PLAGL1: variants seen among roughly 807,000 people sequenced by gnomAD.
PLAGL1 encodes zinc finger protein PLAGL1.
Under a neutral mutation model 4.6 loss-of-function variants are expected in PLAGL1, and 1 was observed. The observed-to-expected ratio is 0.22, with a 90% CI of 0.08 to 1.03. The LOEUF (loss-of-function observed/expected upper bound fraction) is 1.03, where lower values mean the gene tolerates loss of function less well. Among genes scored for constraint, PLAGL1 ranks in the 50% least tolerant of loss-of-function variants. The pLI, the probability that PLAGL1 is intolerant of heterozygous loss-of-function variation, is 0.58. For synonymous variants in PLAGL1, 240 were observed against 237.8 expected (o/e 1.01, Z -0.08); for missense variants, 464 against 570.4 (o/e 0.81, Z 1.90).
chr6:144,034,538 A>G lies in PLAGL1; in HGVS notation c.-151+29930T>C, dbSNP rs1465072210. Reference sequence around the variant, plus strand: ...TCTCATTCAGGGGGTTCAATAAATCATCTGCCAGAAAGGAAGTGTGCAGCT... The same window carrying G: ...TCTCATTCAGGGGGTTCAATAAATCGTCTGCCAGAAAGGAAGTGTGCAGCT... On this transcript the variant is annotated intron_variant, in intron 1 of 3. Transcript: ENST00000437412. The surrounding 1 kb of genome is among the most constrained non-coding windows in gnomAD (Gnocchi z 4.7). Among the ~76,000 whole-genome samples the G allele has an allele frequency of 6.6e-6, 1 of 152,222 alleles. No individual in the cohort carries two copies. Among genetic ancestry groups the G allele is most frequent in the Non-Finnish European group, 1.5e-5 (1 of 68,034 alleles).
intron 1 of PLAGL1, among the ~76,000 whole-genome samples, chr6:144,038,452 A>C (rs1157897421): frequency 6.6e-6 from 1 of 152,232 alleles, no homozygotes; most frequent in Non-Finnish European, 1.5e-5. Context: ...TACAGTAATC[A>C]AGACAATGAG....
chr6:143,993,700 A>C (rs868762337), intron 1 of PLAGL1, among the ~76,000 whole-genome samples: 1 of 152,244 alleles, frequency 6.6e-6, no homozygotes, highest in African/African-American at 2.4e-5. Context: ...AAGCTTTCCA[A>C]TAGAAGCCAG....
rs902216383 is a variant in PLAGL1 at position 143,955,955 on chromosome 6, A to T, written c.-325+4514T>A. Reference sequence around the variant, plus strand: ...TTTTCTTCTGCATCCCAGAAGAAAAACTCAGCAAAAAATAAGCGTTAGGAG... The same window carrying T: ...TTTTCTTCTGCATCCCAGAAGAAAATCTCAGCAAAAAATAAGCGTTAGGAG... On this transcript the variant is annotated intron_variant, in intron 6 of 7. Transcript: ENST00000674357. The surrounding 1 kb of genome is among the most constrained non-coding windows in gnomAD (Gnocchi z 4.9). Among the ~76,000 whole-genome samples the T allele has an allele frequency of 6.6e-6, 1 of 152,150 alleles. No homozygotes were observed. Among genetic ancestry groups the T allele is most frequent in the Non-Finnish European group, 1.5e-5 (1 of 68,024 alleles).
In PLAGL1 at chr6:143,990,088, A is replaced by G. The variant is rs946069637; in HGVS notation, c.-583-4914T>C. On this transcript the variant is annotated intron_variant, in intron 1 of 7. Transcript: ENST00000674357. This position sits in a 1 kb window ranked among gnomAD's most constrained non-coding sequence, Gnocchi z 5.4. ...TCCCTTTTTACTAAAGATACTTGTC[A>G]TCGACACATACTATGCTCTGATATT... Among the ~76,000 whole-genome samples the G allele has an allele frequency of 1.6e-4, 24 of 152,128 alleles. No homozygotes were observed. Among genetic ancestry groups the G allele is most frequent in the African/African-American group, 5.1e-4 (21 of 41,516 alleles).
At chr6:144,035,336 A>G (rs1797141583) in intron 1 of PLAGL1, among the ~76,000 whole-genome samples, 1 of 152,224 alleles carries the variant, frequency 6.6e-6, no homozygotes, top group African/African-American at 2.4e-5. Flanking sequence ...CCGAGAGCCC[A>G]TGGAAAACCA....
Position 144,035,460 on chromosome 6 carries a change from T to A in PLAGL1, c.-151+29008A>T, listed in dbSNP as rs535267283. Among the ~76,000 whole-genome samples, 5 of 152,318 alleles carry A rather than the reference T, an allele frequency of 3.3e-5. No homozygotes were observed. The South Asian group carries it at 1.0e-3, about 32-fold the overall frequency. On this transcript the variant is annotated intron_variant, in intron 1 of 3. Transcript: ENST00000437412. The stretch of plus-strand genomic sequence containing the variant: ...GCCGGAAGACTCAGCAAATCTGCCC[T>A]CCCATCTTCTCCTGCCTGCTTTATT...
At chr6:144,026,964 C>T (rs913442346) in intron 1 of PLAGL1, among the ~76,000 whole-genome samples, 8 of 152,100 alleles carry the variant, frequency 5.3e-5, no homozygotes, top group Admixed American at 1.3e-4. Flanking sequence ...GTAATCACAG[C>T]ACTTTGGAAG....
At chr6:143,974,708 A>G (rs1786120079) in intron 2 of PLAGL1, among the ~76,000 whole-genome samples, 1 of 152,174 alleles carries the variant, frequency 6.6e-6, no homozygotes, top group Non-Finnish European at 1.5e-5. Context: ...CACGACAGAA[A>G]TATCTGTGAA....
chr6:143,969,369 G>A (rs1002678287), intron 2 of PLAGL1, among the ~76,000 whole-genome samples: 2 of 152,096 alleles, frequency 1.3e-5, no homozygotes, highest in African/African-American at 2.4e-5. Flanking sequence ...AGACCCTTTT[G>A]AGAATTAAAT....
Position 143,997,593 on chromosome 6 carries a change from G to A in PLAGL1, c.-584+10497C>T, listed in dbSNP as rs374779520. Among the ~76,000 whole-genome samples, 6 of 152,138 alleles carry A rather than the reference G, an allele frequency of 3.9e-5. 1 individual carries two copies. Among genetic ancestry groups the A allele is most frequent in the South Asian group, 4.1e-4 (2 of 4,828 alleles). On this transcript the variant is annotated intron_variant, in intron 1 of 7. Transcript: ENST00000674357. The surrounding 1 kb of genome is among the most constrained non-coding windows in gnomAD (Gnocchi z 4.6). ...ACAGGGAGGCTCAGGTGGGAGGATC[G>A]CTTGAGCCTGGGAGGTTGAGGCTGC...
intron 6 of PLAGL1, among the ~76,000 whole-genome samples, chr6:143,956,364 C>T (rs973924314): frequency 6.6e-6 from 1 of 152,146 alleles, no homozygotes; most frequent in African/African-American, 2.4e-5. Context: ...TCTCAGAGCT[C>T]CAAAGACAGA....
intron 1 of PLAGL1, among the ~76,000 whole-genome samples, chr6:143,991,212 C>T (rs557589939): frequency 1.2e-4 from 18 of 152,268 alleles, no homozygotes; most frequent in Non-Finnish European, 1.9e-4. Flanking sequence ...CATAATGGAA[C>T]TTTATGATGA....
rs1795580404 is a variant in PLAGL1, at chr6:144,016,546, C to T, written c.-150-47568G>A. ...TATGTAAACGACACATGGTCCCATT[C>T]ATAGGAAATTTTAGAAACACAAAAT... On this transcript the variant is annotated intron_variant, in intron 1 of 3. Coordinates refer to the PLAGL1 transcript ENST00000437412. This position sits in a 1 kb window ranked among gnomAD's most constrained non-coding sequence, Gnocchi z 4.2. Among the ~76,000 whole-genome samples the T allele has an allele frequency of 6.6e-6, 1 of 152,152 alleles. No homozygotes were observed. The highest frequency in any genetic ancestry group is 1.5e-5 in the Non-Finnish European group (1 of 68,022).
intron 2 of PLAGL1, among the ~76,000 whole-genome samples, chr6:143,980,736 TGCACA>T (rs1787753715): frequency 6.6e-6 from 1 of 152,244 alleles, no homozygotes; most frequent in African/African-American, 2.4e-5. Context: ...CCTGCTTCTC[TGCACA>T]TCTGGTAAAT....
At chr6:143,944,613 T>G (rs1191741877) in intron 7 of PLAGL1, among the ~76,000 whole-genome samples, 2 of 152,124 alleles carry the variant, frequency 1.3e-5, no homozygotes, top group African/African-American at 4.8e-5. Context: ...TGCTGGTGTT[T>G]CCACGTTCTA....
chr6:144,015,240 G>A lies in PLAGL1; in HGVS notation c.-150-46262C>T, dbSNP rs1418483090. The stretch of plus-strand genomic sequence containing the variant: ...GATTACATGTTGAAATAATATTTTA[G>A]ATATATTGCATATAATTCAAAGTAA... On this transcript the variant is annotated intron_variant, in intron 1 of 3. Transcript: ENST00000437412. The surrounding 1 kb of genome is among the most constrained non-coding windows in gnomAD (Gnocchi z 4.3). Among the ~76,000 whole-genome samples the A allele has an allele frequency of 2.6e-5, 4 of 152,106 alleles. No homozygotes were observed. Among genetic ancestry groups the A allele is most frequent in the African/African-American group, 9.7e-5 (4 of 41,412 alleles).
rs1796391573 is a variant in PLAGL1, at chr6:144,027,050, C to G, written c.-151+37418G>C. Among the ~76,000 whole-genome samples the G allele has an allele frequency of 6.6e-6, 1 of 151,780 alleles. No individual in the cohort carries two copies. Among genetic ancestry groups the G allele is most frequent in the Non-Finnish European group, 1.5e-5 (1 of 67,958 alleles). Reference sequence around the variant, plus strand: ...AAAAAAGTAAGACCCCACCCCCCGACTCTACAAAAACAAAATTAAAAAAAT... The same window carrying G: ...AAAAAAGTAAGACCCCACCCCCCGAGTCTACAAAAACAAAATTAAAAAAAT... On this transcript the variant is annotated intron_variant, in intron 1 of 3. Transcript: ENST00000437412. The surrounding 1 kb of genome is among the most constrained non-coding windows in gnomAD (Gnocchi z 5.8).
At chr6:144,062,147 G>A (rs1034047079) in intron 1 of PLAGL1, among the ~76,000 whole-genome samples, 7 of 152,128 alleles carry the variant, frequency 4.6e-5, no homozygotes, top group African/African-American at 1.7e-4. Flanking sequence ...GGAGATGAAG[G>A]CGGGCAGATC....
In PLAGL1 at chr6:143,971,524, C is replaced by A. The variant is rs1785426153; in HGVS notation, c.-543-2546G>T. ...GTTGACAACAATTTCCCACTTCCAG[C>A]TCTGGCTTTAAAAAGAAATAGGTTA... is the stretch of plus-strand genomic sequence containing the variant. On this transcript the variant is annotated intron_variant, in intron 2 of 7. Transcript: ENST00000674357. This position sits in a 1 kb window ranked among gnomAD's most constrained non-coding sequence, Gnocchi z 4.7. 2.0e-5 allele frequency among the ~76,000 whole-genome samples: 3 copies of A among 152,186 alleles called. No individual in the cohort carries two copies. The South Asian group carries it at 6.2e-4, about 31-fold the overall frequency.
Sources: allele counts gnomAD v4.1 joint callset (sites outside exome capture counted in the v4.1 genomes callset), GRCh38; gene constraint gnomAD v4.1.1; non-coding constraint Gnocchi (gnomAD v3.1); transcripts MANE v1.5; gene names NCBI Gene and HGNC (gene_info 2026-07-23, HGNC 2026-07-21).